NAV2: variants seen among roughly 807,000 people sequenced by gnomAD.
NAV2 encodes the protein helicase, APC down-regulated 1.
Under a neutral mutation model 223.2 loss-of-function variants are expected in NAV2, and 54 were observed. The observed-to-expected ratio is 0.24, with a 90% CI of 0.19 to 0.30. The LOEUF (loss-of-function observed/expected upper bound fraction) is 0.30. NAV2 is among the 10% of genes least tolerant of loss of function. NAV2 has a pLI of 1.00. For synonymous variants in NAV2, 1,279 were observed against 1,239.3 expected, an observed-to-expected ratio of 1.03 and a Z score of -0.67; for missense variants, 2,806 against 3,147.5, an observed-to-expected ratio of 0.89 and a Z score of 2.60.
At chr11:19,533,948 C>T (rs375093470) in intron 1 of NAV2, among the ~76,000 whole-genome samples, 10 of 132,436 alleles carry the variant, frequency 7.6e-5, no homozygotes, top group Non-Finnish European at 8.8e-5. Flanking sequence ...CCTCGTGATC[C>T]GCCCGCCTCG....
intron 36 of NAV2, among the ~76,000 whole-genome samples, chr11:20,110,077 T>C (rs2153716871): frequency 6.6e-6 from 1 of 152,302 alleles, no homozygotes; most frequent in East Asian, 1.9e-4. Flanking sequence ...CTTCCCACCA[T>C]GGGAAAGTGA....
chr11:20,082,882 C>T, intron 25 of NAV2, 125 bp from the exon 26 acceptor site: 1 of 928,960 alleles, frequency 1.1e-6, no homozygotes. Flanking sequence ...CTCTTGGGAA[C>T]CTCTTCCATT....
chr11:19,524,407 G>T (rs576605223), intron 1 of NAV2, among the ~76,000 whole-genome samples: 1 of 152,212 alleles, frequency 6.6e-6, no homozygotes, highest in South Asian at 2.1e-4. Flanking sequence ...CTGCATGTGC[G>T]TTTCGTGCCT....
chr11:19,564,468 C>A (rs2045201213), intron 1 of NAV2, among the ~76,000 whole-genome samples: 1 of 152,242 alleles, frequency 6.6e-6, no homozygotes, highest in Non-Finnish European at 1.5e-5. Context: ...ACCACCCAGT[C>A]GGGCTCTGGC....
intron 1 of NAV2, among the ~76,000 whole-genome samples, chr11:19,553,698 A>G (rs2044767587): frequency 6.6e-6 from 1 of 152,244 alleles, no homozygotes; most frequent in Non-Finnish European, 1.5e-5. Flanking sequence ...GCACATGCAA[A>G]TATGCCTTGG....
chr11:19,931,714 G>A (rs1036321595), intron 6 of NAV2: 6 of 152,098 alleles, frequency 3.9e-5, no homozygotes, highest in Non-Finnish European at 8.8e-5. Context: ...AAACACTTGT[G>A]ACAATTGGAA....
intron 1 of NAV2, among the ~76,000 whole-genome samples, chr11:19,786,337 A>C (rs952110525): frequency 3.9e-4 from 59 of 152,212 alleles, no homozygotes; most frequent in African/African-American, 1.4e-3. Context: ...CTATAGCATC[A>C]GCACTGGGAA....
At chr11:19,888,669 G>A (rs1311009151) in intron 5 of NAV2, among the ~76,000 whole-genome samples, 1 of 151,964 alleles carries the variant, frequency 6.6e-6, no homozygotes, top group African/African-American at 2.4e-5. Flanking sequence ...TCCCTTCCCT[G>A]CCCTGCTTTC....
At chr11:19,409,292 T>C (rs1181021146) in intron 1 of NAV2, among the ~76,000 whole-genome samples, 1 of 152,246 alleles carries the variant, frequency 6.6e-6, no homozygotes, top group Admixed American at 6.5e-5. Context: ...TGGTGTTTTA[T>C]GTGATTTTCA....
In NAV2 at chr11:19,643,669, G is replaced by A. The variant is rs1397352110; in HGVS notation, c.76-188815G>A. Reference sequence around the variant, plus strand: ...TAGCAGCACGTTTTATAATCCTTTGGATATATACCCAGTAATGGGATGGCT... The same window carrying A: ...TAGCAGCACGTTTTATAATCCTTTGAATATATACCCAGTAATGGGATGGCT... On this transcript the variant is annotated intron_variant, in intron 1 of 37. Coordinates refer to the NAV2 transcript ENST00000360655. 2.0e-5 allele frequency among the ~76,000 whole-genome samples: 3 copies of A among 152,110 alleles called. No individual in the cohort carries two copies. The East Asian group carries it at 5.8e-4, about 29-fold the overall frequency.
At chr11:19,638,880 C>A (rs2047578516) in intron 1 of NAV2, among the ~76,000 whole-genome samples, 1 of 152,172 alleles carries the variant, frequency 6.6e-6, no homozygotes, top group African/African-American at 2.4e-5. Context: ...GTAATCCCAG[C>A]TACTCAGGAG....
chr11:20,101,773 G>T (rs2061660168), intron 32 of NAV2, among the ~76,000 whole-genome samples: 1 of 152,200 alleles, frequency 6.6e-6, no homozygotes, highest in African/African-American at 2.4e-5. Context: ...GCTTCACGGT[G>T]AGCAACGGAA....
intron 1 of NAV2, among the ~76,000 whole-genome samples, chr11:19,541,254 A>G (rs1443535562): frequency 6.6e-6 from 1 of 152,226 alleles, no homozygotes; most frequent in Non-Finnish European, 1.5e-5. Context: ...TCATAGCAAC[A>G]GCACATGGCT....
chr11:19,549,660 A>T (rs2044625760), intron 1 of NAV2, among the ~76,000 whole-genome samples: 1 of 152,224 alleles, frequency 6.6e-6, no homozygotes, highest in Admixed American at 6.5e-5. Flanking sequence ...TGCCAGGGTG[A>T]GGGGGCTCCT....
intron 1 of NAV2, among the ~76,000 whole-genome samples, chr11:19,806,526 T>C (rs2058569269): frequency 6.6e-6 from 1 of 152,252 alleles, no homozygotes; most frequent in Non-Finnish European, 1.5e-5. Context: ...GTATGATGAT[T>C]GATAACCTGG....
intron 1 of NAV2, among the ~76,000 whole-genome samples, chr11:19,484,250 T>C (rs1377789773): frequency 6.6e-6 from 1 of 152,084 alleles, no homozygotes; most frequent in East Asian, 1.9e-4. Context: ...CTTCCTATCT[T>C]GAGAGGTTGG....
At chr11:19,642,523 G>C (rs559940805) in intron 1 of NAV2, among the ~76,000 whole-genome samples, 8 of 152,120 alleles carry the variant, frequency 5.3e-5, no homozygotes, top group Non-Finnish European at 1.0e-4. Flanking sequence ...TCCACTGCTG[G>C]ATTCTCTCTG....
intron 1 of NAV2, among the ~76,000 whole-genome samples, chr11:19,816,872 A>C (rs2059117460): frequency 6.6e-6 from 1 of 152,158 alleles, no homozygotes; most frequent in African/African-American, 2.4e-5. Flanking sequence ...CTCCCTCTTC[A>C]GGTGAAACCA....
chr11:19,713,470 C>T lies in NAV2; in HGVS notation c.-226C>T. The T allele has an allele frequency of 7.5e-7, 1 of 1,337,202 alleles. No individual in the cohort carries two copies. The highest frequency in any genetic ancestry group is 9.5e-7 in the Non-Finnish European group (1 of 1,050,226). 82.8% of individuals were successfully genotyped at this position (1,337,202 alleles called of 1,614,324 possible). Reference sequence around the variant, plus strand: ...GCGGCAGCATCCGTCCAGGTGGGACCCGCTGAGCGCCGTGGCCAGTCCCCC... The same window carrying T: ...GCGGCAGCATCCGTCCAGGTGGGACTCGCTGAGCGCCGTGGCCAGTCCCCC... On this transcript the variant is annotated 5_prime_UTR_variant, in exon 1 of 38. Coordinates refer to ENST00000349880, the MANE Select transcript of NAV2 (RefSeq NM_145117.5). The surrounding 1 kb of genome is among the most constrained non-coding windows in gnomAD (Gnocchi z 7.2).
Sources: allele counts gnomAD v4.1 joint callset (sites outside exome capture counted in the v4.1 genomes callset), GRCh38; gene constraint gnomAD v4.1.1; non-coding constraint Gnocchi (gnomAD v3.1); transcripts MANE v1.5; gene names NCBI Gene and HGNC (gene_info 2026-07-23, HGNC 2026-07-21).